Variants in FANCC observed in about 807,000 individuals in gnomAD.
The protein encoded by FANCC is FA complementation group C, also known as Fanconi anemia group C protein.
In FANCC, 55 loss-of-function variants were observed where a neutral mutation model predicts 71.3. The observed-to-expected ratio is 0.77, with a 90% CI of 0.62 to 0.97. The LOEUF (loss-of-function observed/expected upper bound fraction) is 0.97. Ranked by LOEUF, FANCC falls within the 50% of genes least tolerant of loss-of-function variation. The probability of loss-of-function intolerance (pLI) is 0.00; values close to 1 mark genes in which losing one functional copy is unlikely to be tolerated. For synonymous variants in FANCC, 275 were observed against 244.9 expected, an observed-to-expected ratio of 1.12 and a Z score of -1.15; for missense variants, 678 against 670.9, an observed-to-expected ratio of 1.01 and a Z score of -0.12.
intron 7 of FANCC, among the ~76,000 whole-genome samples, chr9:95,146,029 C>T (rs749521100): frequency 6.6e-6 from 1 of 151,742 alleles, no homozygotes; most frequent in Non-Finnish European, 1.5e-5. Flanking sequence ...CTAAGACAAT[C>T]AGGATAATTT....
intron 4 of FANCC, among the ~76,000 whole-genome samples, chr9:95,193,200 G>A (rs573357751): frequency 1.2e-4 from 19 of 152,196 alleles, no homozygotes; most frequent in African/African-American, 4.6e-4. Context: ...AAATGGATAC[G>A]ATTCACTTTA....
At chr9:95,248,632 A>G (rs1305626038) in intron 2 of FANCC, among the ~76,000 whole-genome samples, 1 of 152,052 alleles carries the variant, frequency 6.6e-6, no homozygotes, top group African/African-American at 2.4e-5. Context: ...TAAAAGAAAC[A>G]TGACATCAAA....
Position 95,117,976 on chromosome 9 carries a change from C to T in FANCC, c.997-586G>A, listed in dbSNP as rs113360726. Among the ~76,000 whole-genome samples the T allele has an allele frequency of 3.6e-3, 547 of 152,170 alleles. 2 individuals are homozygous for T. The highest frequency in any genetic ancestry group is 0.013 in the African/African-American group (524 of 41,488). Reference sequence around the variant, plus strand: ...ACCTCAGGTGATCTGGCCGCCTCGGCCTCCCAAAGTACTGGGATTACAGTG... The same window carrying T: ...ACCTCAGGTGATCTGGCCGCCTCGGTCTCCCAAAGTACTGGGATTACAGTG... On this transcript the variant is annotated intron_variant, in intron 10 of 14. Coordinates refer to ENST00000289081, the MANE Select transcript of FANCC (RefSeq NM_000136.3).
intron 1 of FANCC, among the ~76,000 whole-genome samples, chr9:95,299,980 C>A (rs1834620124): frequency 6.6e-6 from 1 of 152,190 alleles, no homozygotes; most frequent in East Asian, 1.9e-4. Context: ...ATGGATGTCA[C>A]ACTTTTTACT....
chr9:95,212,616 G>T (rs1218698648), intron 4 of FANCC, among the ~76,000 whole-genome samples: 1 of 152,192 alleles, frequency 6.6e-6, no homozygotes, highest in Non-Finnish European at 1.5e-5. Context: ...CAAGAGGAAG[G>T]AAAGTGACAT....
intron 1 of FANCC, chr9:95,292,412 C>T: frequency 9.3e-7 from 1 of 1,080,116 alleles, no homozygotes; most frequent in Non-Finnish European, 1.1e-6. Context: ...TCCCGGCGGC[C>T]ACGAGAGGAG....
intron 1 of FANCC, among the ~76,000 whole-genome samples, chr9:95,250,481 A>G (rs1831264655): frequency 6.6e-6 from 1 of 152,240 alleles, no homozygotes; most frequent in Non-Finnish European, 1.5e-5. Flanking sequence ...AAAGTTTTAA[A>G]ATACCTAAAA....
chr9:95,269,895 C>T (rs915462477), intron 1 of FANCC, among the ~76,000 whole-genome samples: 1 of 152,040 alleles, frequency 6.6e-6, no homozygotes, highest in Non-Finnish European at 1.5e-5. Flanking sequence ...GGGGAACCAG[C>T]GTTCAGCATA....
intron 10 of FANCC, among the ~76,000 whole-genome samples, chr9:95,121,807 T>C (rs904200489): frequency 1.3e-5 from 2 of 151,944 alleles, no homozygotes; most frequent in African/African-American, 4.8e-5. Context: ...GTCATATATA[T>C]GTGATCAAAC....
At chr9:95,178,931 A>G (rs371621855) in intron 4 of FANCC, among the ~76,000 whole-genome samples, 46 of 152,344 alleles carry the variant, frequency 3.0e-4, no homozygotes, top group African/African-American at 1.1e-3. Context: ...GGGGTCTGTC[A>G]CTTACTTTAT....
intron 13 of FANCC, among the ~76,000 whole-genome samples, chr9:95,108,952 C>G (rs2134491315): frequency 6.6e-6 from 1 of 151,528 alleles, no homozygotes; most frequent in Admixed American, 6.6e-5. Context: ...GTCACCCAGG[C>G]TGGAATGCAG....
intron 10 of FANCC, among the ~76,000 whole-genome samples, chr9:95,119,635 A>G (rs1377780137): frequency 1.3e-5 from 2 of 152,124 alleles, no homozygotes; most frequent in African/African-American, 4.8e-5. Flanking sequence ...AAGTGCTAGG[A>G]TTACAGGCAT....
At position 95,180,398 on chromosome 9, in the gene FANCC, C is replaced by T. The variant is rs369545678; in HGVS notation, c.346-8251G>A. On this transcript the variant is annotated intron_variant, in intron 4 of 14. Coordinates refer to ENST00000289081, the MANE Select transcript of FANCC (RefSeq NM_000136.3). Reference sequence around the variant, plus strand: ...GTATTGCTCTGCTCTGTCACCCAGGCTAGCAATCACAGTTCGCTGCAACTT... The same window carrying T: ...GTATTGCTCTGCTCTGTCACCCAGGTTAGCAATCACAGTTCGCTGCAACTT... Among the ~76,000 whole-genome samples the T allele has an allele frequency of 3.6e-4, 49 of 136,264 alleles. 2 individuals carry two copies. Among genetic ancestry groups the T allele is most frequent in the East Asian group, 2.6e-3 (12 of 4,594 alleles). The allele number at this position is 136,264 out of a possible 152,430, so 89.4% of individuals were successfully genotyped here.
chr9:95,099,934 G>T lies in FANCC; in HGVS notation c.*1773C>A. The T allele has an allele frequency of 4.3e-6, 1 of 232,696 alleles. No homozygotes were observed. Among genetic ancestry groups the T allele is most frequent in the Non-Finnish European group, 8.5e-6 (1 of 117,696 alleles). The allele number at this position is 232,696 out of a possible 1,614,324, so 14.4% of individuals were successfully genotyped here. On this transcript the variant is annotated 3_prime_UTR_variant, in exon 15 of 15. Coordinates refer to ENST00000289081, the MANE Select transcript of FANCC (RefSeq NM_000136.3). ...AGGAAGAGGCCAACCCTGTACACAG[G>T]ACCACAGGACAGGGTGGAGGACTGT...
At chr9:95,313,278 C>T (rs1452188986) in intron 1 of FANCC, among the ~76,000 whole-genome samples, 1 of 152,194 alleles carries the variant, frequency 6.6e-6, no homozygotes, top group Non-Finnish European at 1.5e-5. Context: ...AAGCCGCACA[C>T]ACTATGGGAG....
intron 9 of FANCC, 124 bp from the exon 10 acceptor site, chr9:95,125,309 A>G (rs1176519388): frequency 5.3e-6 from 4 of 755,960 alleles, no homozygotes; most frequent in African/African-American, 3.5e-5. Context: ...CAGTATCTCA[A>G]CTCATCAGAT....
intron 10 of FANCC, among the ~76,000 whole-genome samples, chr9:95,118,108 T>G (rs1030263340): frequency 1.3e-5 from 2 of 152,168 alleles, no homozygotes; most frequent in African/African-American, 4.8e-5. Context: ...AACCTCCACC[T>G]CCCGGGTCCA....
intron 1 of FANCC, among the ~76,000 whole-genome samples, chr9:95,255,418 G>A (rs551063965): frequency 9.2e-5 from 14 of 152,270 alleles, no homozygotes; most frequent in East Asian, 3.9e-4. Context: ...GGCAAACAGC[G>A]TCTGGAGTGG....
At chr9:95,235,906 G>A (rs1299655570) in intron 4 of FANCC, among the ~76,000 whole-genome samples, 1 of 148,430 alleles carries the variant, frequency 6.7e-6, no homozygotes, top group Non-Finnish European at 1.5e-5. Flanking sequence ...GGACATCCAG[G>A]AGCAGTCAAT....
Sources: allele counts gnomAD v4.1 joint callset (sites outside exome capture counted in the v4.1 genomes callset), GRCh38; gene constraint gnomAD v4.1.1; transcripts MANE v1.5; gene names NCBI Gene and HGNC (gene_info 2026-07-23, HGNC 2026-07-21).